SLC6A6: variants seen among roughly 807,000 people sequenced by gnomAD.
SLC6A6 encodes solute carrier family 6 member 6.
A neutral mutation model predicts 68.8 loss-of-function variants in SLC6A6; 16 were observed. That is an observed-to-expected ratio of 0.23 (90% CI 0.16 to 0.35). SLC6A6 has a LOEUF of 0.35. Among genes scored for constraint, SLC6A6 ranks in the 10% least tolerant of loss-of-function variants. SLC6A6 has a pLI of 1.00. For missense variants in SLC6A6, 474 were observed against 802.8 expected (o/e 0.59, Z 4.95); for synonymous variants, 312 against 315.4 (o/e 0.99, Z 0.12).
intron 2 of SLC6A6, among the ~76,000 whole-genome samples, chr3:14,417,895 G>T (rs531921917): frequency 1.3e-5 from 2 of 152,124 alleles, no homozygotes; most frequent in South Asian, 4.1e-4. Flanking sequence ...TTTTCTTTTA[G>T]TTCAGGATCG....
chr3:14,418,019 T>C (rs1699404148), intron 2 of SLC6A6, among the ~76,000 whole-genome samples: 1 of 152,230 alleles, frequency 6.6e-6, no homozygotes, highest in Non-Finnish European at 1.5e-5. Context: ...AAATACATTT[T>C]ACAATGGGAT....
At chr3:14,415,046 C>T (rs774538919) in intron 1 of SLC6A6, among the ~76,000 whole-genome samples, 2 of 152,222 alleles carry the variant, frequency 1.3e-5, no homozygotes, top group African/African-American at 2.4e-5. Context: ...GCAGACATCA[C>T]TAATCCAGCC....
intron 2 of SLC6A6, among the ~76,000 whole-genome samples, chr3:14,427,672 C>T (rs905534941): frequency 3.3e-5 from 5 of 152,198 alleles, no homozygotes; most frequent in African/African-American, 9.6e-5. Flanking sequence ...TGGGGGCCAC[C>T]AGCAAGGTAA....
chr3:14,470,811 G>C (rs1449508467), intron 9 of SLC6A6, among the ~76,000 whole-genome samples: 1 of 152,138 alleles, frequency 6.6e-6, no homozygotes, highest in African/African-American at 2.4e-5. Context: ...TCTGAACCTG[G>C]CCCTGGTTCT....
At chr3:14,425,749 A>G (rs1015119584) in intron 2 of SLC6A6, among the ~76,000 whole-genome samples, 20 of 152,140 alleles carry the variant, frequency 1.3e-4, no homozygotes, top group African/African-American at 4.8e-4. Flanking sequence ...TGCGTTTCCA[A>G]AAATGGTGTG....
In SLC6A6 at chr3:14,472,078, C is replaced by A. The variant is rs752432475; in HGVS notation, c.1097-127C>A. On this transcript the variant is annotated intron_variant, in intron 9 of 14. Transcript: ENST00000622186. This position sits in a 1 kb window ranked among gnomAD's most constrained non-coding sequence, Gnocchi z 4.5. ...GACAGGCCTGGTCTCTTTCCCCAGGCCAGAGTTCAGACCTGGCTCCCTGCT... is the reference window on the plus strand; with the variant it reads ...GACAGGCCTGGTCTCTTTCCCCAGGACAGAGTTCAGACCTGGCTCCCTGCT... The A allele has an allele frequency of 3.7e-5, 24 of 640,942 alleles. No individual in the cohort carries two copies. Among genetic ancestry groups the A allele is most frequent in the Middle Eastern group, 2.5e-4 (1 of 3,968 alleles). 39.7% of individuals were successfully genotyped at this position (640,942 alleles called of 1,614,324 possible).
At chr3:14,403,172 T>A (rs1159002059) in intron 1 of SLC6A6, among the ~76,000 whole-genome samples, 4 of 152,034 alleles carry the variant, frequency 2.6e-5, no homozygotes, top group Non-Finnish European at 5.9e-5. Flanking sequence ...TGTGCCTCCG[T>A]ATCCCTGTGT....
rs1166891745 is a variant in SLC6A6 at position 14,467,966 on chromosome 3, G to A, written c.971+10G>A. On this transcript the variant is annotated intron_variant, in intron 8 of 14. Coordinates refer to ENST00000622186, the MANE Select transcript of SLC6A6 (RefSeq NM_003043.6). ...AGTATAACTCGTACAGGCAAGTGTTGCGCCGGCGGGCCTGGTGGACTTTAG... is the reference window on the plus strand; with the variant it reads ...AGTATAACTCGTACAGGCAAGTGTTACGCCGGCGGGCCTGGTGGACTTTAG... 1 of 1,610,254 alleles carries A rather than the reference G, an allele frequency of 6.2e-7. No homozygotes were observed. Among genetic ancestry groups the A allele is most frequent in the African/African-American group, 1.3e-5 (1 of 74,776 alleles).
chr3:14,424,515 G>A (rs753930060), intron 2 of SLC6A6, among the ~76,000 whole-genome samples: 1 of 151,836 alleles, frequency 6.6e-6, no homozygotes, highest in Non-Finnish European at 1.5e-5. Context: ...TGGCTGGGGT[G>A]TCCTGCTCTG....
intron 10 of SLC6A6, among the ~76,000 whole-genome samples, chr3:14,474,268 C>T (rs1252770682): frequency 6.6e-6 from 1 of 152,144 alleles, no homozygotes; most frequent in Non-Finnish European, 1.5e-5. Flanking sequence ...AGCAGTGTGC[C>T]TCACCCACTG....
intron 2 of SLC6A6, among the ~76,000 whole-genome samples, chr3:14,424,884 C>A (rs1038091049): frequency 6.6e-6 from 1 of 152,142 alleles, no homozygotes; most frequent in Non-Finnish European, 1.5e-5. Flanking sequence ...GGACACGGCG[C>A]TATTGAAGGA....
chr3:14,453,256 G>A (rs1008786132), intron 5 of SLC6A6, among the ~76,000 whole-genome samples: 12 of 152,206 alleles, frequency 7.9e-5, no homozygotes, highest in Non-Finnish European at 1.3e-4. Flanking sequence ...CAAAACAGAC[G>A]TCCAGGCAGT....
chr3:14,482,505 C>A (rs770577486), intron 14 of SLC6A6, among the ~76,000 whole-genome samples: 16 of 152,246 alleles, frequency 1.1e-4, no homozygotes, highest in Non-Finnish European at 2.2e-4. Flanking sequence ...CTCAGAATCT[C>A]CCTTAACCTT....
Position 14,489,123 on chromosome 3 carries a change from A to T in SLC6A6, c.*4116A>T, listed in dbSNP as rs984465962. The T allele has an allele frequency of 6.6e-6, 1 of 152,562 alleles. No individual in the cohort carries two copies. The highest frequency in any genetic ancestry group is 2.4e-5 in the African/African-American group (1 of 41,436). 9.5% of individuals were successfully genotyped at this position (152,562 alleles called of 1,614,324 possible). A position where few individuals can be genotyped will look rare whatever the true frequency, so the allele number is the denominator to read the frequency against. The stretch of plus-strand genomic sequence containing the variant: ...ACAAGAGACTTTTCTGAGGAGGAAC[A>T]TTTGTATTTGAACAAGATCCTTGGT... On this transcript the variant is annotated 3_prime_UTR_variant, in exon 15 of 15. Transcript: ENST00000622186.
At chr3:14,430,541 C>A (rs1233026331) in intron 2 of SLC6A6, among the ~76,000 whole-genome samples, 1 of 152,236 alleles carries the variant, frequency 6.6e-6, no homozygotes, top group Non-Finnish European at 1.5e-5. Flanking sequence ...GTCCTCCCTG[C>A]ATCCTAGCCC....
rs376206836 is a variant in SLC6A6 at position 14,407,871 on chromosome 3, T to C, written c.-54+5024T>C. Among the ~76,000 whole-genome samples, 4 of 152,250 alleles carry C rather than the reference T, an allele frequency of 2.6e-5. No homozygotes were observed. In the East Asian group the frequency reaches 7.7e-4, roughly 29 times the overall value. On this transcript the variant is annotated intron_variant, in intron 1 of 14. Coordinates refer to ENST00000622186, the MANE Select transcript of SLC6A6 (RefSeq NM_003043.6). ...CTAAATCCTCATATAAATGGACTTATTTAGTGTATACTCTTTTGTCCATTT... is the reference window on the plus strand; with the variant it reads ...CTAAATCCTCATATAAATGGACTTACTTAGTGTATACTCTTTTGTCCATTT...
chr3:14,444,908 C>T, intron 3 of SLC6A6: 1 of 453,702 alleles, frequency 2.2e-6, no homozygotes. Context: ...CCATTCTTCC[C>T]CTTGGTCCCG....
intron 5 of SLC6A6, among the ~76,000 whole-genome samples, chr3:14,453,057 G>A (rs1347388813): frequency 6.6e-6 from 1 of 152,390 alleles, no homozygotes; most frequent in East Asian, 1.9e-4. Context: ...AGGAGGCGGT[G>A]GAGAAAGGCT....
At chr3:14,443,102 A>G (rs748586040) in intron 2 of SLC6A6, among the ~76,000 whole-genome samples, 3 of 152,134 alleles carry the variant, frequency 2.0e-5, no homozygotes, top group Non-Finnish European at 2.9e-5. Context: ...TTTAACTTAC[A>G]GTTATAAATG....
Sources: gnomAD v4.1 joint callset for allele counts (sites outside exome capture counted in the v4.1 genomes callset) on GRCh38, gnomAD v4.1.1 for gene constraint, Gnocchi (gnomAD v3.1) non-coding constraint, MANE v1.5 for transcripts, NCBI Gene and HGNC (gene_info 2026-07-23, HGNC 2026-07-21) for gene names.